Variants in SH3TC2 observed in about 807,000 individuals in gnomAD.
The protein encoded by SH3TC2 is SH3 domain and tetratricopeptide repeats 2.
Under a neutral mutation model 124.5 loss-of-function variants are expected in SH3TC2, and 87 were observed. The ratio of observed to expected loss-of-function variants is 0.70; its 90% confidence interval spans 0.59 to 0.84. The LOEUF is 0.84. Among genes scored for constraint, SH3TC2 ranks in the 40% least tolerant of loss-of-function variants. The pLI is 0.00. For missense variants in SH3TC2, 1,536 were observed against 1,566.4 expected (o/e 0.98, Z 0.33); for synonymous variants, 634 against 628.5 (o/e 1.01, Z -0.13).
At chr5:149,055,954 A>C (rs1754640102) in intron 1 of SH3TC2, among the ~76,000 whole-genome samples, 1 of 152,160 alleles carries the variant, frequency 6.6e-6, no homozygotes, top group South Asian at 2.1e-4. Context: ...TACAACAATG[A>C]GAATGAATGA....
chr5:149,027,181 G>A lies in SH3TC2; in HGVS notation c.2551C>T (p.Arg851Trp), dbSNP rs144655516. ...LLGLALQGEG[R>W]VNRAAKSYLR... ...TAGCTCTTGGCTGCCCTGTTCACCC[G>A]GCCTTCACCTTGGAGTGCAAGTCCC... is the stretch of plus-strand genomic sequence containing the variant. The change falls in exon 11 of 17, where the codon CGG becomes TGG. Residue 851 changes from arginine to tryptophan, a missense_variant. Around this residue, in one of 3 missense-constraint regions of SH3TC2, gnomAD observed 1,102 missense variants for 1,098.6 expected, o/e 1.00. Transcript: ENST00000515425. 4.6e-5 allele frequency: 75 copies of A among 1,614,186 alleles called. No homozygotes were observed. Among genetic ancestry groups the A allele is most frequent in the African/African-American group, 2.3e-4 (17 of 75,064 alleles).
rs1196135080 is a variant in SH3TC2, at chr5:148,997,418, T to C, written c.*7293A>G. The stretch of plus-strand genomic sequence containing the variant: ...CTCCTTCTATTTTCCATTTGGGAAA[T>C]GCAGTCTCTCTTTTTTTCTAGGCTA... On this transcript the variant is annotated 3_prime_UTR_variant, in exon 17 of 17. Transcript: ENST00000515425. Among the ~76,000 whole-genome samples, 1 of 152,242 alleles carries C rather than the reference T, an allele frequency of 6.6e-6. No homozygotes were observed. Among genetic ancestry groups the C allele is most frequent in the Non-Finnish European group, 1.5e-5 (1 of 68,046 alleles).
chr5:149,055,912 C>A (rs757361125), intron 1 of SH3TC2, among the ~76,000 whole-genome samples: 7 of 152,010 alleles, frequency 4.6e-5, no homozygotes, highest in Admixed American at 2.6e-4. Flanking sequence ...CAAGACCCAT[C>A]CCCCAAAAAT....
rs1425203676 is a variant in SH3TC2, at chr5:149,004,687, T to G, written c.*24A>C. Reference sequence around the variant, plus strand: ...GGGGTCAGAGTCTGGCCATGCCAAATGTCCAGAGACAGGACAGCTTTCCTC... The same window carrying G: ...GGGGTCAGAGTCTGGCCATGCCAAAGGTCCAGAGACAGGACAGCTTTCCTC... On this transcript the variant is annotated 3_prime_UTR_variant, in exon 17 of 17. Transcript: ENST00000515425. The G allele has an allele frequency of 1.9e-6, 3 of 1,611,960 alleles. No homozygotes were observed. Among genetic ancestry groups the G allele is most frequent in the Admixed American group, 3.3e-5 (2 of 60,006 alleles).
rs1024276083 is a variant in SH3TC2, at chr5:149,008,837, T to G, written c.3478+14A>C. 15 of 1,613,854 alleles carry G rather than the reference T, an allele frequency of 9.3e-6. No individual in the cohort carries two copies. Among genetic ancestry groups the G allele is most frequent in the Non-Finnish European group, 1.2e-5 (14 of 1,180,036 alleles). The stretch of plus-strand genomic sequence containing the variant: ...CCCTCTCATTCAACACACCCAATAG[T>G]GAAGACCACCCACCTGTGACTGTGC... On this transcript the variant is annotated intron_variant, in intron 15 of 16. Coordinates refer to ENST00000515425, the MANE Select transcript of SH3TC2 (RefSeq NM_024577.4).
intron 7 of SH3TC2, among the ~76,000 whole-genome samples, chr5:149,039,046 A>G (rs1428105052): frequency 6.6e-6 from 1 of 152,216 alleles, no homozygotes; most frequent in African/African-American, 2.4e-5. Context: ...TACAGTGCAC[A>G]ATGCCTGGTA....
chr5:149,002,567 G>C lies in SH3TC2; in HGVS notation c.*2144C>G, dbSNP rs1321906010. On this transcript the variant is annotated 3_prime_UTR_variant, in exon 17 of 17. Coordinates refer to ENST00000515425, the MANE Select transcript of SH3TC2 (RefSeq NM_024577.4). Reference sequence around the variant, plus strand: ...AACCTTGATGACTAGAAGATGCAATGGCGGCTCAACTCACCACTCCCATCT... The same window carrying C: ...AACCTTGATGACTAGAAGATGCAATCGCGGCTCAACTCACCACTCCCATCT... The C allele has an allele frequency of 6.6e-6, 1 of 152,186 alleles. No homozygotes were observed. The highest frequency in any genetic ancestry group is 6.5e-5 in the Admixed American group (1 of 15,286). The allele number at this position is 152,186 out of a possible 1,614,324, so 9.4% of individuals were successfully genotyped here. A position where few individuals can be genotyped will look rare whatever the true frequency, so the allele number is the denominator to read the frequency against.
At position 148,996,818 on chromosome 5, in the gene SH3TC2, T is replaced by C. The variant is rs1317569745; in HGVS notation, c.*7893A>G. Among the ~76,000 whole-genome samples the C allele has an allele frequency of 6.6e-6, 1 of 152,184 alleles. No individual in the cohort carries two copies. Among genetic ancestry groups the C allele is most frequent in the Non-Finnish European group, 1.5e-5 (1 of 68,026 alleles). On this transcript the variant is annotated 3_prime_UTR_variant, in exon 17 of 17. Coordinates refer to ENST00000515425, the MANE Select transcript of SH3TC2 (RefSeq NM_024577.4). ...GTAGCTGAGAGTCATACAGATCATGTTTAACTATGGTCCGCTAGATTTGGA... is the reference window on the plus strand; with the variant it reads ...GTAGCTGAGAGTCATACAGATCATGCTTAACTATGGTCCGCTAGATTTGGA...
At chr5:149,060,531 G>C (rs1306978974) in intron 1 of SH3TC2, among the ~76,000 whole-genome samples, 4 of 152,196 alleles carry the variant, frequency 2.6e-5, no homozygotes, top group African/African-American at 7.2e-5. Flanking sequence ...CAGCTGTCCA[G>C]TGCTCAGTGC....
chr5:149,046,252 G>T (rs1478459503), intron 3 of SH3TC2: 1 of 153,378 alleles, frequency 6.5e-6, no homozygotes, highest in Admixed American at 6.5e-5. Context: ...TAGGGAAGGG[G>T]TGCTAGGTAA....
intron 9 of SH3TC2, 68 bp downstream of exon 9, chr5:149,031,486 T>C (rs1361222456): frequency 5.6e-6 from 9 of 1,606,742 alleles, no homozygotes; most frequent in Non-Finnish European, 6.8e-6. Flanking sequence ...ATTCTATTCC[T>C]GGTTAGGGAC....
Position 149,021,200 on chromosome 5 carries a change from A to C in SH3TC2, c.3053+5372T>G, listed in dbSNP as rs533255519. 2.9e-3 allele frequency among the ~76,000 whole-genome samples: 443 copies of C among 152,304 alleles called. 4 individuals carry two copies. Among genetic ancestry groups the C allele is most frequent in the African/African-American group, 0.01 (420 of 41,590 alleles). ...TCCTAAATAACCAATGAACTGAGTA[A>C]GAATCACAAAGGATATTAGAAACTA... On this transcript the variant is annotated intron_variant, in intron 12 of 16. Transcript: ENST00000515425.
At position 149,003,844 on chromosome 5, in the gene SH3TC2, T is replaced by TCC; in HGVS notation, c.*866_*867insGG. On this transcript the variant is annotated 3_prime_UTR_variant, in exon 17 of 17. Coordinates refer to ENST00000515425, the MANE Select transcript of SH3TC2 (RefSeq NM_024577.4). ...CCAGCCTGGGCAACAGAGGAGAAAC[T>TCC]GTCTCAAAAAAAAAAAAAAAAAAAA... 1 of 260,858 alleles carries TCC rather than the reference T, an allele frequency of 3.8e-6. No homozygotes were observed. Among genetic ancestry groups the TCC allele is most frequent in the South Asian group, 2.9e-5 (1 of 34,618 alleles). 16.2% of individuals were successfully genotyped at this position (260,858 alleles called of 1,614,324 possible).
At chr5:149,055,827 A>T (rs955887389) in intron 1 of SH3TC2, among the ~76,000 whole-genome samples, 22 of 152,186 alleles carry the variant, frequency 1.4e-4, no homozygotes, top group African/African-American at 5.1e-4. Flanking sequence ...CATGCCTGCA[A>T]TCTCAGCTAT....
intron 12 of SH3TC2, among the ~76,000 whole-genome samples, chr5:149,022,141 T>C (rs1373108304): frequency 1.3e-5 from 2 of 152,128 alleles, no homozygotes; most frequent in African/African-American, 4.8e-5. Context: ...TTGTAAATCA[T>C]ATATCTGATA....
At position 149,028,396 on chromosome 5, in the gene SH3TC2, C is replaced by T; in HGVS notation, c.1336G>A (p.Asp446Asn). The change falls in exon 11 of 17, where the codon GAC becomes AAC. Residue 446 changes from aspartate (D) to asparagine (N), a missense_variant. Physicochemically the swap from Asp to Asn is conservative, Grantham distance 23 (BLOSUM62 1). Coordinates refer to ENST00000515425, the MANE Select transcript of SH3TC2 (RefSeq NM_024577.4). ...ATGAGCAGTTCCGGGTCATCAAGGT[C>T]ATCAGGCTCCGGCAGGCGATAGCTG... ...SDSYRLPEPDDLDDPELLMDL... is the reference protein window; with the variant it reads ...SDSYRLPEPDNLDDPELLMDL... 1.9e-6 allele frequency: 3 copies of T among 1,614,076 alleles called. No homozygotes were observed. The highest frequency in any genetic ancestry group is 1.7e-6 in the Non-Finnish European group (2 of 1,180,014).
At chr5:149,047,546 C>G (rs960181314) in intron 3 of SH3TC2, 13 of 332,022 alleles carry the variant, frequency 3.9e-5, no homozygotes, top group Non-Finnish European at 6.4e-5. Context: ...AAAAAGTATA[C>G]TTAATGAGGT....
At position 149,028,412 on chromosome 5, in the gene SH3TC2, G is replaced by A. The variant is rs1361033420; in HGVS notation, c.1320C>T (p.Arg440=). The A allele has an allele frequency of 9.9e-6, 16 of 1,613,962 alleles. No homozygotes were observed. The highest frequency in any genetic ancestry group is 1.3e-5 in the Non-Finnish European group (15 of 1,179,980). ...CATCAAGGTCATCAGGCTCCGGCAG[G>A]CGATAGCTGTCTGAGGTGGCCGAGA... is the stretch of plus-strand genomic sequence containing the variant. ...ELLSATSDSY[R]LPEPDDLDDP... Residue 440 remains arginine (R), a synonymous_variant, in exon 11 of 17, where the codon CGC becomes CGT. Transcript: ENST00000515425.
rs181243827 is a variant in SH3TC2, at chr5:148,998,330, A to G, written c.*6381T>C. On this transcript the variant is annotated 3_prime_UTR_variant, in exon 17 of 17. Transcript: ENST00000515425. ...TTAATATTAAATACGTTCTTTACCA[A>G]TGATACACTATTTAGGAAGACATCA... Among the ~76,000 whole-genome samples the G allele has an allele frequency of 3.3e-5, 5 of 152,334 alleles. No homozygotes were observed. Among genetic ancestry groups the G allele is most frequent in the African/African-American group, 1.2e-4 (5 of 41,560 alleles).
Sources: allele counts gnomAD v4.1 joint callset (sites outside exome capture counted in the v4.1 genomes callset), GRCh38; gene constraint gnomAD v4.1.1; regional missense constraint gnomAD v4.1.1; transcripts MANE v1.5; gene names NCBI Gene and HGNC (gene_info 2026-07-23, HGNC 2026-07-21).